Variants in FSIP1 observed in about 807,000 individuals in gnomAD.
The protein encoded by FSIP1 is fibrous sheath interacting protein 1, also known as fibrous sheath-interacting protein 1.
Under a neutral mutation model 60.9 loss-of-function variants are expected in FSIP1, and 65 were observed. The ratio of observed to expected loss-of-function variants is 1.07; its 90% CI spans 0.87 to 1.31. The LOEUF is 1.31. Ranked by LOEUF, FSIP1 falls within the 40% of genes most tolerant of loss-of-function variation. The probability of loss-of-function intolerance (pLI) is 0.00; values close to 1 mark genes in which losing one functional copy is unlikely to be tolerated. For synonymous variants in FSIP1, 209 were observed against 221.2 expected, an observed-to-expected ratio of 0.94 and a Z score of 0.49; for missense variants, 675 against 665.5, an observed-to-expected ratio of 1.01 and a Z score of -0.16.
chr15:39,741,180 A>G (rs958302894), intron 6 of FSIP1, among the ~76,000 whole-genome samples: 1 of 152,262 alleles, frequency 6.6e-6, no homozygotes, highest in African/African-American at 2.4e-5. Context: ...TTTAAAAAAT[A>G]CAAACTGAAT....
At chr15:39,776,158 G>A (rs530610001) in intron 2 of FSIP1, among the ~76,000 whole-genome samples, 2 of 125,896 alleles carry the variant, frequency 1.6e-5, no homozygotes, top group East Asian at 5.1e-4. Context: ...GCAGAGGGAG[G>A]GGAGGAGCAG....
intron 9 of FSIP1, among the ~76,000 whole-genome samples, chr15:39,716,253 C>T (rs1021560183): frequency 2.0e-5 from 3 of 152,102 alleles, no homozygotes; most frequent in African/African-American, 4.8e-5. Context: ...CAAAACACCC[C>T]GGATTTCATT....
chr15:39,669,278 T>C (rs1367402011), intron 10 of FSIP1, among the ~76,000 whole-genome samples: 1 of 152,222 alleles, frequency 6.6e-6, no homozygotes, highest in African/African-American at 2.4e-5. Flanking sequence ...CCTTGCTGCA[T>C]TCACAAGGCT....
At chr15:39,696,759 A>G (rs1395254441) in intron 10 of FSIP1, among the ~76,000 whole-genome samples, 1 of 152,124 alleles carries the variant, frequency 6.6e-6, no homozygotes, top group Non-Finnish European at 1.5e-5. Context: ...AGGCTATAAA[A>G]TGTATGTAGA....
At chr15:39,645,183 G>A (rs1892540711) in intron 10 of FSIP1, among the ~76,000 whole-genome samples, 1 of 152,364 alleles carries the variant, frequency 6.6e-6, no homozygotes, top group South Asian at 2.1e-4. Flanking sequence ...TACATTCTTA[G>A]TGGAAATGTA....
At chr15:39,634,811 T>G (rs1314568605) in intron 10 of FSIP1, among the ~76,000 whole-genome samples, 2 of 152,174 alleles carry the variant, frequency 1.3e-5, no homozygotes, top group African/African-American at 4.8e-5. Context: ...TACATGTGCA[T>G]CTTACACCAA....
At chr15:39,719,461 T>C (rs1566900139) in intron 9 of FSIP1, among the ~76,000 whole-genome samples, 1 of 152,218 alleles carries the variant, frequency 6.6e-6, no homozygotes, top group Admixed American at 6.5e-5. Flanking sequence ...GAGTTTATCC[T>C]TAGAAAAATT....
In FSIP1 at chr15:39,680,625, A is replaced by T. The variant is rs114871146; in HGVS notation, c.1188+32819T>A. Among the ~76,000 whole-genome samples the T allele has an allele frequency of 9.6e-3, 1,467 of 152,332 alleles. 34 individuals carry two copies. Among genetic ancestry groups the T allele is most frequent in the African/African-American group, 0.034 (1,419 of 41,562 alleles). The stretch of plus-strand genomic sequence containing the variant: ...GATACATGAGCATCAAGGTACAAGG[A>T]GCCTGGGTCCTTGGTAACTGTAGAA... On this transcript the variant is annotated intron_variant, in intron 10 of 11. Coordinates refer to ENST00000350221, the MANE Select transcript of FSIP1 (RefSeq NM_152597.5).
chr15:39,608,324 A>G (rs1890900613), intron 11 of FSIP1, among the ~76,000 whole-genome samples: 1 of 152,200 alleles, frequency 6.6e-6, no homozygotes, highest in Admixed American at 6.5e-5. Flanking sequence ...TTAAGTTCCA[A>G]TTCATTCCAT....
chr15:39,766,245 C>T (rs1394749327), intron 3 of FSIP1, among the ~76,000 whole-genome samples: 1 of 152,182 alleles, frequency 6.6e-6, no homozygotes, highest in Non-Finnish European at 1.5e-5. Flanking sequence ...GAAAAAAACT[C>T]AAAACAAGTA....
chr15:39,689,410 G>A (rs935708901), intron 10 of FSIP1, among the ~76,000 whole-genome samples: 14 of 152,128 alleles, frequency 9.2e-5, no homozygotes, highest in Admixed American at 9.2e-4. Context: ...GACATCTAGG[G>A]TGGACTGAAA....
At position 39,770,528 on chromosome 15, in the gene FSIP1, T is replaced by C. The variant is rs1473458048; in HGVS notation, c.209A>G (p.Asp70Gly). The change falls in exon 3 of 12, where the codon GAT (aspartate) becomes GGT (glycine). Residue 70 changes from aspartate (D) to glycine (G), a missense_variant. Transcript: ENST00000350221. ...SNTENRRTSNDDKQESCSEKI... is the reference protein window; with the variant it reads ...SNTENRRTSNGDKQESCSEKI... The stretch of plus-strand genomic sequence containing the variant: ...CTCAGAGCAGCTTTCCTGCTTATCA[T>C]CATTACTAGTTCTTCTGTTCTCTGT... The C allele has an allele frequency of 1.9e-6, 3 of 1,611,720 alleles. No individual in the cohort carries two copies. The East Asian group carries it at 6.7e-5, about 36-fold the overall frequency.
intron 10 of FSIP1, among the ~76,000 whole-genome samples, chr15:39,658,952 A>G (rs571434469): frequency 1.3e-5 from 2 of 152,382 alleles, no homozygotes; most frequent in African/African-American, 4.8e-5. Flanking sequence ...TGGTATATCC[A>G]TACAATGAAA....
At chr15:39,638,274 T>G (rs903924069) in intron 10 of FSIP1, among the ~76,000 whole-genome samples, 2 of 152,184 alleles carry the variant, frequency 1.3e-5, no homozygotes, top group South Asian at 2.1e-4. Flanking sequence ...TAAGCATGTT[T>G]AGAGTACATT....
At chr15:39,759,940 G>A (rs1897436075) in intron 5 of FSIP1, among the ~76,000 whole-genome samples, 1 of 152,040 alleles carries the variant, frequency 6.6e-6, no homozygotes, top group Admixed American at 6.6e-5. Flanking sequence ...TTCCAAATAA[G>A]GTAACATTCA....
Position 39,713,472 on chromosome 15 carries a change from T to C in FSIP1, c.1160A>G (p.Glu387Gly). 6.3e-7 allele frequency: 1 copy of C among 1,597,822 alleles called. No homozygotes were observed. Among genetic ancestry groups the C allele is most frequent in the Non-Finnish European group, 8.5e-7 (1 of 1,174,522 alleles). ...ATTTTCCTTCATCATTTTCAGCTTTTCATCAATCTCTCTCAGCCGATTATG... is the reference window on the plus strand; with the variant it reads ...ATTTTCCTTCATCATTTTCAGCTTTCCATCAATCTCTCTCAGCCGATTATG... ...DLHNRLREID[E>G]KLKMMKENVL... The change falls in exon 10 of 12, where the codon GAA (glutamate) becomes GGA (glycine). Residue 387 changes from glutamate (E) to glycine (G), a missense_variant. Glu to Gly is a moderately conservative substitution (Grantham distance 98). Coordinates refer to ENST00000350221, the MANE Select transcript of FSIP1 (RefSeq NM_152597.5).
chr15:39,674,349 C>T (rs1893852692), intron 10 of FSIP1, among the ~76,000 whole-genome samples: 1 of 152,142 alleles, frequency 6.6e-6, no homozygotes, highest in African/African-American at 2.4e-5. Flanking sequence ...CCACTGCATC[C>T]GGCCAAAATT....
chr15:39,740,341 AC>A (rs974526564), intron 6 of FSIP1, among the ~76,000 whole-genome samples: 1 of 152,090 alleles, frequency 6.6e-6, no homozygotes, highest in Non-Finnish European at 1.5e-5. Flanking sequence ...ATTTTCCTCA[AC>A]CTTTTGGAAG....
At chr15:39,776,051 C>T (rs1313210139) in intron 2 of FSIP1, among the ~76,000 whole-genome samples, 2 of 147,374 alleles carry the variant, frequency 1.4e-5, no homozygotes, top group Admixed American at 6.9e-5. Flanking sequence ...AAAAAAGAGT[C>T]GATACACAAG....
Sources: allele counts gnomAD v4.1 joint callset (sites outside exome capture counted in the v4.1 genomes callset), GRCh38; gene constraint gnomAD v4.1.1; transcripts MANE v1.5; gene names NCBI Gene and HGNC (gene_info 2026-07-23, HGNC 2026-07-21).